The following SFMBT2 variants were observed in gnomAD, a reference collection of about 807,000 sequenced individuals.
The protein encoded by SFMBT2 is scm-like with four MBT domains protein 2.
Under a neutral mutation model 110.1 loss-of-function variants are expected in SFMBT2, and 38 were observed. That is an observed-to-expected ratio of 0.35 (90% CI 0.27 to 0.45). The LOEUF is 0.45. Among genes scored for constraint, SFMBT2 ranks in the 20% least tolerant of loss-of-function variants. The pLI, the probability that SFMBT2 is intolerant of heterozygous loss-of-function variation, is 1.00. For synonymous variants in SFMBT2, 425 were observed against 425.4 expected (o/e 1.00, Z 0.01); for missense variants, 1,011 against 1,094.9 (o/e 0.92, Z 1.08).
intron 11 of SFMBT2, among the ~76,000 whole-genome samples, chr10:7,216,633 C>T (rs1377264399): frequency 1.3e-5 from 2 of 152,166 alleles, no homozygotes; most frequent in African/African-American, 4.8e-5. Context: ...CTGGCTAGTG[C>T]CCCGTTTGCT....
chr10:7,309,542 G>C (rs1205691305), intron 4 of SFMBT2, among the ~76,000 whole-genome samples: 1 of 152,204 alleles, frequency 6.6e-6, no homozygotes, highest in Admixed American at 6.5e-5. Flanking sequence ...TGGAACGGGG[G>C]TGTATAGGAA....
intron 1 of SFMBT2, among the ~76,000 whole-genome samples, chr10:7,410,308 C>T (rs2132141667): frequency 6.6e-6 from 1 of 152,366 alleles, no homozygotes; most frequent in Admixed American, 6.5e-5. Flanking sequence ...CGATTTTTAC[C>T]CCCATGCCGG....
At chr10:7,242,846 T>G (rs551373152) in intron 9 of SFMBT2, among the ~76,000 whole-genome samples, 1 of 152,334 alleles carries the variant, frequency 6.6e-6, no homozygotes, top group East Asian at 1.9e-4. Flanking sequence ...CCCCTTATTA[T>G]TTAAGTTTGT....
At chr10:7,309,083 G>T (rs1360153751) in intron 4 of SFMBT2, among the ~76,000 whole-genome samples, 1 of 152,180 alleles carries the variant, frequency 6.6e-6, no homozygotes, top group Non-Finnish European at 1.5e-5. Flanking sequence ...CATCCGCGAG[G>T]GTGTTTCCGA....
At chr10:7,249,572 C>T (rs1280393056) in intron 7 of SFMBT2, 1 of 985,050 alleles carries the variant, frequency 1.0e-6, no homozygotes, top group Middle Eastern at 5.2e-4. Flanking sequence ...ACAAAAATAT[C>T]TGGGGACCTG....
intron 12 of SFMBT2, chr10:7,205,335 C>T (rs1839093683): frequency 1.1e-6 from 1 of 890,508 alleles, no homozygotes; most frequent in African/African-American, 1.8e-5. Context: ...CAAGCATTCT[C>T]CTGCCTTGGC....
chr10:7,246,678 C>G lies in SFMBT2; in HGVS notation c.972+1870G>C, dbSNP rs1840624225. The stretch of plus-strand genomic sequence containing the variant: ...AGGTTGTAGTGAGCCGAGATCATGT[C>G]ACTGCACTCTAGCCTGGGTGACGGA... On this transcript the variant is annotated intron_variant, in intron 8 of 20. Transcript: ENST00000397167. 5.4e-5 allele frequency among the ~76,000 whole-genome samples: 7 copies of G among 128,858 alleles called. No individual in the cohort carries two copies. The Admixed American group carries it at 6.6e-4, about 12-fold the overall frequency. The allele number at this position is 128,858 out of a possible 152,430, so 84.5% of individuals were successfully genotyped here. A position where few individuals can be genotyped will look rare whatever the true frequency, so the allele number is the denominator to read the frequency against.
At chr10:7,355,840 G>C (rs1844490032) in intron 4 of SFMBT2, among the ~76,000 whole-genome samples, 1 of 152,006 alleles carries the variant, frequency 6.6e-6, no homozygotes, top group South Asian at 2.1e-4. Context: ...AAATAATGAA[G>C]CCCCAGTCAA....
intron 4 of SFMBT2, among the ~76,000 whole-genome samples, chr10:7,342,676 C>A (rs1051234211): frequency 6.6e-6 from 1 of 151,972 alleles, no homozygotes; most frequent in Non-Finnish European, 1.5e-5. Flanking sequence ...GGATTACAGG[C>A]GTGAGCCACC....
chr10:7,387,118 TAAAAC>T lies in SFMBT2; in HGVS notation c.-51-5174_-51-5170del, dbSNP rs568651959. Among the ~76,000 whole-genome samples, 901 of 152,166 alleles carry T rather than the reference TAAAAC, an allele frequency of 5.9e-3. 4 individuals carry two copies. Among genetic ancestry groups the T allele is most frequent in the Admixed American group, 0.011 (168 of 15,272 alleles). Reference sequence around the variant, plus strand: ...GTGGGGAAGGGGCAATGAAAAGAAATAAAACTAAACTAGGGAGTGGCAGGGACCCC... The same window carrying T: ...GTGGGGAAGGGGCAATGAAAAGAAATTAAACTAGGGAGTGGCAGGGACCCC... On this transcript the variant is annotated intron_variant, in intron 1 of 20. Coordinates refer to ENST00000397167, the MANE Select transcript of SFMBT2 (RefSeq NM_001387889.1).
intron 4 of SFMBT2, among the ~76,000 whole-genome samples, chr10:7,333,802 C>A (rs557306113): frequency 2.0e-5 from 3 of 151,896 alleles, no homozygotes; most frequent in South Asian, 2.1e-4. Context: ...CTCTCTCCCC[C>A]ACTCCCGCTT....
intron 4 of SFMBT2, among the ~76,000 whole-genome samples, chr10:7,336,521 G>A (rs1488094798): frequency 6.6e-6 from 1 of 152,184 alleles, no homozygotes; most frequent in African/African-American, 2.4e-5. Flanking sequence ...TGGGCACAGT[G>A]GCTCAAACCT....
intron 4 of SFMBT2, among the ~76,000 whole-genome samples, chr10:7,315,015 GA>G (rs1347817297): frequency 1.1e-4 from 13 of 121,632 alleles, no homozygotes; most frequent in South Asian, 5.2e-4. Context: ...AAGAAAGAAA[GA>G]AAAGAGAGAG....
At chr10:7,256,519 C>T (rs576539812) in intron 7 of SFMBT2, among the ~76,000 whole-genome samples, 1 of 152,370 alleles carries the variant, frequency 6.6e-6, no homozygotes, top group Non-Finnish European at 1.5e-5. Context: ...TGTTTACCTA[C>T]AGCCAGTCAC....
chr10:7,247,116 G>C (rs535521459), intron 8 of SFMBT2, among the ~76,000 whole-genome samples: 7 of 152,046 alleles, frequency 4.6e-5, no homozygotes, highest in African/African-American at 1.7e-4. Context: ...TTTTGTTTTT[G>C]TTGTTGTTTG....
chr10:7,221,404 T>C (rs560195972), intron 10 of SFMBT2, among the ~76,000 whole-genome samples: 1 of 151,796 alleles, frequency 6.6e-6, no homozygotes, highest in Admixed American at 6.6e-5. Context: ...CCAACTCTAC[T>C]AAAATACAAA....
At chr10:7,404,983 C>A (rs1031657466) in intron 1 of SFMBT2, among the ~76,000 whole-genome samples, 1 of 152,204 alleles carries the variant, frequency 6.6e-6, no homozygotes, top group African/African-American at 2.4e-5. Context: ...GTCTTACAGT[C>A]TTGTAAACAT....
intron 2 of SFMBT2, among the ~76,000 whole-genome samples, chr10:7,381,025 G>A (rs1845404515): frequency 1.3e-5 from 2 of 151,774 alleles, no homozygotes; most frequent in Admixed American, 1.3e-4. Flanking sequence ...CTCCAACCTG[G>A]GCAACAGGTG....
rs549103214 is a variant in SFMBT2, at chr10:7,266,853, G to A, written c.870+10039C>T. Among the ~76,000 whole-genome samples, 6 of 152,198 alleles carry A rather than the reference G, an allele frequency of 3.9e-5. No individual in the cohort carries two copies. The South Asian group carries it at 1.0e-3, about 26-fold the overall frequency. On this transcript the variant is annotated intron_variant, in intron 7 of 20. Transcript: ENST00000397167. ...AACAAAATTTCCTGATGGGTGGAAT[G>A]GAAGTGTGCAGAGAAGGGTTCACCT... is the stretch of plus-strand genomic sequence containing the variant.
Sources: gnomAD v4.1 joint callset for allele counts (sites outside exome capture counted in the v4.1 genomes callset) on GRCh38, gnomAD v4.1.1 for gene constraint, MANE v1.5 for transcripts, NCBI Gene and HGNC (gene_info 2026-07-23, HGNC 2026-07-21) for gene names.